Variants in PLAC1 observed in about 807,000 individuals in gnomAD.
PLAC1 encodes placenta-specific protein 1.
For missense variants in PLAC1, 136 were observed against 163.2 expected (o/e 0.83, Z 0.91); for synonymous variants, 68 against 62.1 (o/e 1.09, Z -0.44).
At chrX:134,707,805 A>C (rs2078610921) in intron 2 of PLAC1, among the ~76,000 whole-genome samples, 1 of 112,290 alleles carries the variant, frequency 8.9e-6, no homozygotes, top group South Asian at 3.7e-4. Flanking sequence ...ATTGTTTGAT[A>C]GTTTTCTCAA....
At chrX:134,646,703 G>C (rs939391281) in intron 1 of PLAC1, among the ~76,000 whole-genome samples, 7 of 112,490 alleles carry the variant, frequency 6.2e-5, no homozygotes, top group African/African-American at 1.9e-4. Context: ...GAGAGTTAGA[G>C]AAGATATTTT....
chrX:134,578,366 T>G (rs1348269142), intron 2 of PLAC1, among the ~76,000 whole-genome samples: 1 of 92,381 alleles, frequency 1.1e-5, no homozygotes, highest in East Asian at 3.3e-4. Flanking sequence ...TGAGCCGAGA[T>G]CGCACCACTG....
intron 2 of PLAC1, among the ~76,000 whole-genome samples, chrX:134,678,992 G>A (rs1232659933): frequency 1.8e-5 from 2 of 111,635 alleles, no homozygotes; most frequent in South Asian, 3.8e-4. Flanking sequence ...GGAGCCAGCA[G>A]AAGTTGGAAG....
chrX:134,685,449 C>CTTTTTTTTT (rs200498313), intron 2 of PLAC1, among the ~76,000 whole-genome samples: 11 of 49,158 alleles, frequency 2.2e-4, no homozygotes, highest in African/African-American at 3.2e-4. Flanking sequence ...AATGGCGTCC[C>CTTTTTTTTT]TTTTTTTTTT....
intron 1 of PLAC1, among the ~76,000 whole-genome samples, chrX:134,747,579 G>A (rs749443434): frequency 2.9e-4 from 32 of 111,536 alleles, no homozygotes; most frequent in African/African-American, 1.0e-3. Context: ...TAGTCACTCA[G>A]CTTATTAATT....
chrX:134,614,968 C>G lies in PLAC1; in HGVS notation c.-130-12846G>C, dbSNP rs138942203. Among the ~76,000 whole-genome samples, 168 of 111,684 alleles carry G rather than the reference C, an allele frequency of 1.5e-3. 3 individuals are homozygous for G. Among genetic ancestry groups the G allele is most frequent in the African/African-American group, 5.2e-3 (159 of 30,735 alleles). ...GCCCGGCCACCACAATTTCTTTATCCATGCATCCATCCATGGACACAAATT... is the reference window on the plus strand; with the variant it reads ...GCCCGGCCACCACAATTTCTTTATCGATGCATCCATCCATGGACACAAATT... On this transcript the variant is annotated intron_variant, in intron 1 of 2. Coordinates refer to ENST00000359237, the MANE Select transcript of PLAC1 (RefSeq NM_021796.4).
chrX:134,663,476 G>A (rs191564605), intron 2 of PLAC1, among the ~76,000 whole-genome samples: 9 of 112,957 alleles, frequency 8.0e-5, no homozygotes, highest in Non-Finnish European at 1.5e-4. Context: ...GTGTGCACAC[G>A]TGCAGATTGT....
chrX:134,647,261 C>A (rs1358158513), intron 1 of PLAC1, among the ~76,000 whole-genome samples: 1 of 111,918 alleles, frequency 8.9e-6, no homozygotes, highest in Non-Finnish European at 1.9e-5. Context: ...CATTATTGTG[C>A]CCCATCCCGT....
chrX:134,671,339 G>T (rs138055327), intron 2 of PLAC1, among the ~76,000 whole-genome samples: 4 of 111,910 alleles, frequency 3.6e-5, no homozygotes, highest in African/African-American at 1.3e-4. Flanking sequence ...TGGGGAACAG[G>T]GGGGAAGGCT....
At chrX:134,589,931 C>T (rs989031992) in intron 2 of PLAC1, among the ~76,000 whole-genome samples, 2 of 111,097 alleles carry the variant, frequency 1.8e-5, no homozygotes, top group African/African-American at 3.3e-5. Flanking sequence ...CGCGGTGGCT[C>T]ACGCCTGTAA....
At chrX:134,568,035 G>A (rs1195451052) in intron 2 of PLAC1, among the ~76,000 whole-genome samples, 1 of 111,982 alleles carries the variant, frequency 8.9e-6, no homozygotes, top group East Asian at 2.8e-4. Context: ...AGCAGTGCTA[G>A]GAATAAGTAT....
chrX:134,739,422 C>T (rs897777474), intron 1 of PLAC1, among the ~76,000 whole-genome samples: 2 of 112,271 alleles, frequency 1.8e-5, no homozygotes, highest in African/African-American at 3.2e-5. Context: ...CAACATCGCT[C>T]CTATGCCTAC....
chrX:134,591,601 T>C (rs1270163415), intron 2 of PLAC1, among the ~76,000 whole-genome samples: 1 of 112,963 alleles, frequency 8.9e-6, no homozygotes, highest in Non-Finnish European at 1.9e-5. Context: ...AACGCTGTTA[T>C]AAACATTCAT....
intron 2 of PLAC1, among the ~76,000 whole-genome samples, chrX:134,595,917 G>T (rs185934649): frequency 0.051 from 5,614 of 109,913 alleles, 356 homozygotes; most frequent in African/African-American, 0.18. Flanking sequence ...TTTTAATTTT[G>T]TTTTCTTTTT....
chrX:134,704,268 C>T (rs1205762119), intron 2 of PLAC1, among the ~76,000 whole-genome samples: 1 of 107,076 alleles, frequency 9.3e-6, no homozygotes, highest in Admixed American at 1.0e-4. Context: ...CTGAGGTCGG[C>T]GGATCACTTG....
At chrX:134,663,462 G>A (rs1183383560), upstream of PLAC1, among the ~76,000 whole-genome samples, 3 of 112,964 alleles carry the variant, frequency 2.7e-5, no homozygotes, top group East Asian at 8.3e-4. Context: ...GCACGCGCGT[G>A]CACGTGTGCA....
chrX:134,622,683 C>A (rs1305259512), intron 1 of PLAC1, among the ~76,000 whole-genome samples: 1 of 111,894 alleles, frequency 8.9e-6, no homozygotes, highest in Non-Finnish European at 1.9e-5. Context: ...CAGTGGCAAG[C>A]TGTGTTGGCC....
At chrX:134,730,091 C>G (rs1354970989) in intron 2 of PLAC1, among the ~76,000 whole-genome samples, 1 of 111,732 alleles carries the variant, frequency 8.9e-6, no homozygotes, top group Non-Finnish European at 1.9e-5. Flanking sequence ...ACACCTGGCC[C>G]CAGAGAGACA....
intron 1 of PLAC1, among the ~76,000 whole-genome samples, chrX:134,739,970 G>A (rs915425099): frequency 1.3e-4 from 15 of 111,801 alleles, no homozygotes; most frequent in Non-Finnish European, 1.9e-5. Flanking sequence ...TTATCGTAAT[G>A]GTAACACTAA....
Sources: allele counts gnomAD v4.1 joint callset (sites outside exome capture counted in the v4.1 genomes callset), GRCh38; gene constraint gnomAD v4.1.1; transcripts MANE v1.5; gene names NCBI Gene and HGNC (gene_info 2026-07-23, HGNC 2026-07-21).